QTRT1: variants seen among roughly 807,000 people sequenced by gnomAD.
The protein encoded by QTRT1 is queuine tRNA-ribosyltransferase catalytic subunit 1, also known as TGT, 43-KD subunit.
QTRT1 carries 41 observed loss-of-function variants against 44.0 expected under a neutral mutation model. The ratio of observed to expected loss-of-function variants is 0.93; its 90% CI spans 0.73 to 1.21. QTRT1 has a LOEUF of 1.21. QTRT1 is among the 50% of genes most tolerant of loss of function. QTRT1 has a pLI of 0.00. For synonymous variants in QTRT1, 226 were observed against 237.1 expected (o/e 0.95, Z 0.43); for missense variants, 542 against 575.8 (o/e 0.94, Z 0.60).
chr19:10,705,974 G>A (rs1333422948), intron 3 of QTRT1, among the ~76,000 whole-genome samples: 1 of 142,736 alleles, frequency 7.0e-6, no homozygotes, highest in African/African-American at 2.6e-5. Context: ...TCCTGCCTCA[G>A]TTCCCGAGTA....
rs2145626474 is a variant in QTRT1, at chr19:10,713,084, G to A, written c.1060-34G>A. 6.2e-7 allele frequency: 1 copy of A among 1,608,886 alleles called. No homozygotes were observed. The highest frequency in any genetic ancestry group is 1.1e-5 in the South Asian group (1 of 91,052). ...CAAGGTGGGCGGGGGTGTCCTAGGT[G>A]CGTATGCCCCACGCTGACCTCCCCT... On this transcript the variant is annotated intron_variant, in intron 9 of 9. Coordinates refer to ENST00000250237, the MANE Select transcript of QTRT1 (RefSeq NM_031209.3). The surrounding 1 kb of genome is among the most constrained non-coding windows in gnomAD (Gnocchi z 4.3).
intron 3 of QTRT1, 40 bp from the exon 4 acceptor site, chr19:10,707,262 G>A: frequency 6.2e-7 from 1 of 1,605,546 alleles, no homozygotes; most frequent in Non-Finnish European, 8.5e-7. Context: ...CCCAAGCATT[G>A]CGGGCTTTCC....
At position 10,702,204 on chromosome 19, in the gene QTRT1, A is replaced by C; in HGVS notation, c.401A>C (p.Asn134Thr). Residue 134 changes from asparagine (N) to threonine (T), a missense_variant, in exon 3 of 10, where the codon AAT (asparagine) becomes ACT (threonine). Physicochemically the swap from Asn to Thr is moderately conservative, Grantham distance 65. Coordinates refer to ENST00000250237, the MANE Select transcript of QTRT1 (RefSeq NM_031209.3). ...CGCTTCCGCTCCCCCTACGACGGCA[A>C]TGAGACCCTGCTGAGCCCGGAGAAA... ...GVRFRSPYDG[N>T]ETLLSPEKSV... The C allele has an allele frequency of 6.2e-7, 1 of 1,614,118 alleles. No homozygotes were observed. Among genetic ancestry groups the C allele is most frequent in the Non-Finnish European group, 8.5e-7 (1 of 1,180,014 alleles).
intron 3 of QTRT1, 41 bp downstream of exon 3, chr19:10,702,295 C>G: frequency 6.3e-7 from 1 of 1,599,984 alleles, no homozygotes; most frequent in Non-Finnish European, 8.5e-7. Flanking sequence ...CCCTGTCTGT[C>G]AGGGGGTGAA....
Position 10,713,203 on chromosome 19 carries a change from G to A in QTRT1, c.1145G>A (p.Gly382Glu). The A allele has an allele frequency of 6.2e-7, 1 of 1,609,008 alleles. No homozygotes were observed. The highest frequency in any genetic ancestry group is 1.1e-5 in the South Asian group (1 of 90,576). ...FVRDFMGAMY[G>E]DPTLCPTWAT... ...CGGGACTTCATGGGCGCCATGTACG[G>A]GGATCCCACCCTCTGTCCCACCTGG... is the stretch of plus-strand genomic sequence containing the variant. The change falls in exon 10 of 10, where the codon GGG (glycine) becomes GAG (glutamate). Residue 382 changes from glycine (G) to glutamate (E), a missense_variant. Physicochemically the swap from Gly to Glu is moderately conservative, Grantham distance 98. Coordinates refer to ENST00000250237, the MANE Select transcript of QTRT1 (RefSeq NM_031209.3). This position sits in a 1 kb window ranked among gnomAD's most constrained non-coding sequence, Gnocchi z 4.3.
intron 3 of QTRT1, among the ~76,000 whole-genome samples, chr19:10,706,482 C>T (rs1037557664): frequency 2.6e-5 from 4 of 152,044 alleles, no homozygotes; most frequent in African/African-American, 9.7e-5. Context: ...AAGCGATTCT[C>T]CTGCCTCAGC....
intron 5 of QTRT1, among the ~76,000 whole-genome samples, chr19:10,710,739 T>G (rs1471196582): frequency 6.6e-6 from 1 of 151,830 alleles, no homozygotes; most frequent in Non-Finnish European, 1.5e-5. Flanking sequence ...CTGCCCAACA[T>G]GGCGGAACCC....
rs763914076 is a variant in QTRT1 at position 10,701,455 on chromosome 19, G to A, written c.-6G>A. ...TGGTACGGCCCACGTGGTTCCGACA[G>A]TCAAGATGGCGGGAGCAGCTACCCA... On this transcript the variant is annotated 5_prime_UTR_variant, in exon 1 of 10. Transcript: ENST00000250237. The A allele has an allele frequency of 1.3e-6, 2 of 1,541,456 alleles. No homozygotes were observed. The highest frequency in any genetic ancestry group is 1.8e-6 in the Non-Finnish European group (2 of 1,142,840).
At chr19:10,703,692 T>A (rs553949353) in intron 3 of QTRT1, among the ~76,000 whole-genome samples, 1 of 149,636 alleles carries the variant, frequency 6.7e-6, no homozygotes, top group Admixed American at 6.7e-5. Context: ...CTAATTTTTG[T>A]ATTTTCAGTA....
At position 10,712,433 on chromosome 19, in the gene QTRT1, C is replaced by A; in HGVS notation, c.786-120C>A. 1 of 1,446,432 alleles carries A rather than the reference C, an allele frequency of 6.9e-7. No individual in the cohort carries two copies. Among genetic ancestry groups the A allele is most frequent in the Non-Finnish European group, 9.6e-7 (1 of 1,040,606 alleles). The allele number at this position is 1,446,432 out of a possible 1,614,324, so 89.6% of individuals were successfully genotyped here. A position where few individuals can be genotyped will look rare whatever the true frequency, so the allele number is the denominator to read the frequency against. On this transcript the variant is annotated intron_variant, in intron 6 of 9. Coordinates refer to ENST00000250237, the MANE Select transcript of QTRT1 (RefSeq NM_031209.3). This position sits in a 1 kb window ranked among gnomAD's most constrained non-coding sequence, Gnocchi z 5.6. ...ATCTGAGGAGACTAGGAAGACATGG[C>A]TGTCCCTTGGGGGCCATTCTGAGGG...
In QTRT1 at chr19:10,712,394, C is replaced by T. The variant is rs2068742975; in HGVS notation, c.785+95C>T. ...TTGGGGAGGTGGCATTTGGGGGAAACGGACACAGGTCTGATCTGAGGAGAC... is the reference window on the plus strand; with the variant it reads ...TTGGGGAGGTGGCATTTGGGGGAAATGGACACAGGTCTGATCTGAGGAGAC... On this transcript the variant is annotated intron_variant, in intron 6 of 9. Transcript: ENST00000250237. The surrounding 1 kb of genome is among the most constrained non-coding windows in gnomAD (Gnocchi z 5.6). 12 of 1,508,566 alleles carry T rather than the reference C, an allele frequency of 8.0e-6. No individual in the cohort carries two copies. The highest frequency in any genetic ancestry group is 3.7e-5 in the South Asian group (3 of 81,898). The allele number at this position is 1,508,566 out of a possible 1,614,324, so 93.4% of individuals were successfully genotyped here.
At chr19:10,707,231 C>G (rs2068717857) in intron 3 of QTRT1, 71 bp from the exon 4 acceptor site, 2 of 1,502,346 alleles carry the variant, frequency 1.3e-6, no homozygotes, top group African/African-American at 2.8e-5. Flanking sequence ...CCAACTTGTC[C>G]CCATGTGACG....
At chr19:10,706,977 C>A (rs2068716786) in intron 3 of QTRT1, among the ~76,000 whole-genome samples, 1 of 152,238 alleles carries the variant, frequency 6.6e-6, no homozygotes, top group African/African-American at 2.4e-5. Context: ...TCACTGCGCC[C>A]AGTCAGCAGA....
Position 10,707,538 on chromosome 19 carries a change from A to G in QTRT1, c.569A>G (p.Gln190Arg), listed in dbSNP as rs937362705. 1 of 1,613,130 alleles carries G rather than the reference A, an allele frequency of 6.2e-7. No individual in the cohort carries two copies. Among genetic ancestry groups the G allele is most frequent in the Admixed American group, 1.7e-5 (1 of 59,958 alleles). ...CTGGACCGGTGCATTGCAGCCCATC[A>G]GCGGCCGGACAAGCAGAACCTCTTC... Reference protein sequence around the residue: ...RWLDRCIAAHQRPDKQNLFAI... With the variant: ...RWLDRCIAAHRRPDKQNLFAI... Residue 190 changes from glutamine to arginine, a missense_variant, in exon 5 of 10, where the codon CAG becomes CGG. Physicochemically the swap from Gln to Arg is conservative, Grantham distance 43 (BLOSUM62 1). Coordinates refer to ENST00000250237, the MANE Select transcript of QTRT1 (RefSeq NM_031209.3).
chr19:10,707,263 C>A (rs142968410), intron 3 of QTRT1, 39 bp from the exon 4 acceptor site: 19 of 1,602,542 alleles, frequency 1.2e-5, no homozygotes, highest in Non-Finnish European at 1.5e-5. Context: ...CCAAGCATTG[C>A]GGGCTTTCCC....
intron 1 of QTRT1, 25 bp downstream of exon 1, chr19:10,701,728 G>C: frequency 6.5e-7 from 1 of 1,550,326 alleles, no homozygotes; most frequent in African/African-American, 1.4e-5. Flanking sequence ...CCCGCGCGGG[G>C]AGGCGGCGAG....
In QTRT1 at chr19:10,712,428, C is replaced by A; in HGVS notation, c.786-125C>A. 6.9e-7 allele frequency: 1 copy of A among 1,442,188 alleles called. No individual in the cohort carries two copies. 89.3% of individuals were successfully genotyped at this position (1,442,188 alleles called of 1,614,324 possible). On this transcript the variant is annotated intron_variant, in intron 6 of 9. Transcript: ENST00000250237. This position sits in a 1 kb window ranked among gnomAD's most constrained non-coding sequence, Gnocchi z 5.6. ...GTCTGATCTGAGGAGACTAGGAAGA[C>A]ATGGCTGTCCCTTGGGGGCCATTCT...
rs748446784 is a variant in QTRT1, at chr19:10,712,912, CAG to C, written c.972-40_972-39del. On this transcript the variant is annotated intron_variant, in intron 8 of 9. Coordinates refer to ENST00000250237, the MANE Select transcript of QTRT1 (RefSeq NM_031209.3). This position sits in a 1 kb window ranked among gnomAD's most constrained non-coding sequence, Gnocchi z 5.6. ...GAGCTGGGGCAGGGCATGGAGGGGA[CAG>C]GGCCTGGCCGTGCTGAGCTGTCCCC... is the stretch of plus-strand genomic sequence containing the variant. The C allele has an allele frequency of 1.2e-6, 2 of 1,612,796 alleles. No homozygotes were observed. The highest frequency in any genetic ancestry group is 1.7e-6 in the Non-Finnish European group (2 of 1,179,362).
chr19:10,705,705 T>G (rs2068710292), intron 3 of QTRT1, among the ~76,000 whole-genome samples: 1 of 151,332 alleles, frequency 6.6e-6, no homozygotes, highest in Non-Finnish European at 1.5e-5. Context: ...CGGGCTAATT[T>G]TTGTATTTGT....
Sources: gnomAD v4.1 joint callset for allele counts (sites outside exome capture counted in the v4.1 genomes callset) on GRCh38, gnomAD v4.1.1 for gene constraint, Gnocchi (gnomAD v3.1) non-coding constraint, MANE v1.5 for transcripts, NCBI Gene and HGNC (gene_info 2026-07-23, HGNC 2026-07-21) for gene names.